MARCHF1: variants seen among roughly 807,000 people sequenced by gnomAD.
The protein encoded by MARCHF1 is E3 ubiquitin-protein ligase MARCHF1.
A neutral mutation model predicts 54.2 loss-of-function variants in MARCHF1; 40 were observed. That is an observed-to-expected ratio of 0.74 (90% CI 0.57 to 0.96). MARCHF1 has a LOEUF of 0.96. Among genes scored for constraint, MARCHF1 ranks in the 40% least tolerant of loss-of-function variants. The pLI, the probability that MARCHF1 is intolerant of heterozygous loss-of-function variation, is 0.00. For missense variants in MARCHF1, 586 were observed against 656.5 expected, an observed-to-expected ratio of 0.89 and a Z score of 1.17; for synonymous variants, 236 against 236.3, an observed-to-expected ratio of 1.00 and a Z score of 0.01.
At chr4:164,196,947 G>A in intron 1 of MARCHF1, 1 of 1,594,380 alleles carries the variant, frequency 6.3e-7, no homozygotes, top group Non-Finnish European at 8.6e-7. Context: ...AATCACAATA[G>A]GAATTTTTCA....
intron 5 of MARCHF1, among the ~76,000 whole-genome samples, chr4:163,630,503 C>T (rs1742036142): frequency 6.6e-6 from 1 of 152,076 alleles, no homozygotes. Context: ...TTGATTGCAG[C>T]AGAGTTTTAA....
chr4:163,810,763 A>G (rs1471232991), intron 4 of MARCHF1, among the ~76,000 whole-genome samples: 3 of 151,888 alleles, frequency 2.0e-5, no homozygotes, highest in African/African-American at 7.2e-5. Flanking sequence ...ACTTTCTGCT[A>G]GTTTAGTAGA....
chr4:164,048,646 G>T (rs1213065926), intron 2 of MARCHF1, among the ~76,000 whole-genome samples: 1 of 152,072 alleles, frequency 6.6e-6, no homozygotes, highest in Non-Finnish European at 1.5e-5. Context: ...ACACTAGAGT[G>T]ATACAAAAAC....
At chr4:164,101,271 G>C (rs1292392926) in intron 2 of MARCHF1, among the ~76,000 whole-genome samples, 1 of 151,918 alleles carries the variant, frequency 6.6e-6, no homozygotes, top group Non-Finnish European at 1.5e-5. Context: ...ACAGCTCAAG[G>C]AGGCCTGCCT....
At chr4:163,968,488 A>G (rs1227016154) in intron 3 of MARCHF1, among the ~76,000 whole-genome samples, 1 of 152,162 alleles carries the variant, frequency 6.6e-6, no homozygotes, top group Non-Finnish European at 1.5e-5. Context: ...GAAAAATCTC[A>G]CTTATTTTGC....
In MARCHF1 at chr4:163,588,960, T is replaced by C. The variant is rs1005876473; in HGVS notation, c.1011-3031A>G. Among the ~76,000 whole-genome samples, 8 of 151,650 alleles carry C rather than the reference T, an allele frequency of 5.3e-5. No homozygotes were observed. The South Asian group carries it at 1.7e-3, about 32-fold the overall frequency. On this transcript the variant is annotated intron_variant, in intron 7 of 9. Coordinates refer to ENST00000514618, the MANE Select transcript of MARCHF1 (RefSeq NM_001394959.1). ...AAATAAATCACTCTAACCTCTGCAA[T>C]TAACAATAAAACTGAAGTAAAAGTA... is the stretch of plus-strand genomic sequence containing the variant.
At chr4:164,113,198 C>T (rs957564972) in intron 1 of MARCHF1, among the ~76,000 whole-genome samples, 4 of 151,734 alleles carry the variant, frequency 2.6e-5, no homozygotes, top group African/African-American at 9.7e-5. Context: ...GTTCCAAATA[C>T]AAGGTATTAT....
At chr4:164,084,134 C>G (rs2111118970) in intron 2 of MARCHF1, among the ~76,000 whole-genome samples, 1 of 151,954 alleles carries the variant, frequency 6.6e-6, no homozygotes, top group South Asian at 2.1e-4. Context: ...ACTTTGAAAA[C>G]TAGGATATTA....
At chr4:163,565,289 ATATCT>A (rs1181576888) in intron 8 of MARCHF1, among the ~76,000 whole-genome samples, 1 of 152,218 alleles carries the variant, frequency 6.6e-6, no homozygotes, top group Non-Finnish European at 1.5e-5. Context: ...TAATGACATG[ATATCT>A]TATAAAAAAG....
intron 4 of MARCHF1, among the ~76,000 whole-genome samples, chr4:163,826,566 C>A (rs1277553270): frequency 1.3e-5 from 2 of 151,868 alleles, no homozygotes; most frequent in Non-Finnish European, 2.9e-5. Flanking sequence ...TCTAAACATG[C>A]GCTGTATTAA....
At chr4:164,054,354 C>T (rs368987242) in intron 2 of MARCHF1, among the ~76,000 whole-genome samples, 10 of 151,178 alleles carry the variant, frequency 6.6e-5, no homozygotes, top group Middle Eastern at 6.8e-3. Flanking sequence ...AACCATTGTG[C>T]AAGTCAGTGT....
chr4:163,792,191 A>G (rs887011380), intron 4 of MARCHF1, among the ~76,000 whole-genome samples: 1 of 152,198 alleles, frequency 6.6e-6, no homozygotes, highest in Non-Finnish European at 1.5e-5. Flanking sequence ...TAAATGTCTC[A>G]TAAAGTCTAT....
At chr4:163,567,618 T>C (rs935980261) in intron 8 of MARCHF1, among the ~76,000 whole-genome samples, 3 of 152,172 alleles carry the variant, frequency 2.0e-5, no homozygotes, top group Non-Finnish European at 4.4e-5. Flanking sequence ...CTAATGGTTT[T>C]ATAAAGGGGA....
At chr4:163,661,940 G>A (rs28645603) in intron 5 of MARCHF1, among the ~76,000 whole-genome samples, 25,627 of 151,982 alleles carry the variant, frequency 0.17, 2,643 homozygotes, top group East Asian at 0.38. Flanking sequence ...TGGTTGACTG[G>A]ATATAGAATT....
intron 5 of MARCHF1, among the ~76,000 whole-genome samples, chr4:163,642,664 A>G (rs898736536): frequency 6.6e-6 from 1 of 152,176 alleles, no homozygotes; most frequent in Admixed American, 6.5e-5. Flanking sequence ...AATGGAACTT[A>G]GAGGATATAC....
chr4:164,284,112 C>T (rs1430433843), intron 1 of MARCHF1, among the ~76,000 whole-genome samples: 2 of 150,952 alleles, frequency 1.3e-5, no homozygotes, highest in African/African-American at 4.9e-5. Flanking sequence ...ACTGAGAAAG[C>T]TTAGGTCCTG....
intron 3 of MARCHF1, among the ~76,000 whole-genome samples, chr4:163,864,698 T>A (rs1228375582): frequency 6.6e-6 from 1 of 151,852 alleles, no homozygotes; most frequent in African/African-American, 2.4e-5. Flanking sequence ...AAATATTATT[T>A]AAAAAATGTG....
At chr4:163,743,823 A>C (rs773795823) in intron 4 of MARCHF1, among the ~76,000 whole-genome samples, 1 of 152,156 alleles carries the variant, frequency 6.6e-6, no homozygotes, top group Non-Finnish European at 1.5e-5. Context: ...TGTAGAGCTA[A>C]ATAATTTGCT....
intron 4 of MARCHF1, among the ~76,000 whole-genome samples, chr4:163,730,414 G>C (rs1308213179): frequency 5.9e-5 from 9 of 151,880 alleles, no homozygotes; most frequent in Admixed American, 3.9e-4. Context: ...CTTATGGTTT[G>C]TTTTTTCTTT....
Sources: gnomAD v4.1 joint callset for allele counts (sites outside exome capture counted in the v4.1 genomes callset) on GRCh38, gnomAD v4.1.1 for gene constraint, MANE v1.5 for transcripts, NCBI Gene and HGNC (gene_info 2026-07-23, HGNC 2026-07-21) for gene names.